The following NAALADL2 variants were observed in gnomAD, a reference collection of about 807,000 sequenced individuals.
NAALADL2 encodes inactive N-acetylated-alpha-linked acidic dipeptidase-like protein 2.
Under a neutral mutation model 87.2 loss-of-function variants are expected in NAALADL2, and 76 were observed. That is an observed-to-expected ratio of 0.87 (90% CI 0.72 to 1.05). The LOEUF is 1.05. NAALADL2 is among the 50% of genes least tolerant of loss of function. The probability of loss-of-function intolerance (pLI) is 0.00; values close to 1 mark genes in which losing one functional copy is unlikely to be tolerated. For synonymous variants in NAALADL2, 354 were observed against 331.0 expected (o/e 1.07, Z -0.75); for missense variants, 1,089 against 945.8 (o/e 1.15, Z -1.99).
At chr3:174,720,856 C>A (rs771682223) in intron 2 of NAALADL2, among the ~76,000 whole-genome samples, 5 of 152,104 alleles carry the variant, frequency 3.3e-5, no homozygotes, top group African/African-American at 9.7e-5. Flanking sequence ...ATTCCAGATG[C>A]AAGTTTATTA....
intron 13 of NAALADL2, among the ~76,000 whole-genome samples, chr3:175,765,457 A>G (rs1441329693): frequency 1.3e-5 from 2 of 152,130 alleles, no homozygotes; most frequent in Non-Finnish European, 2.9e-5. Context: ...CCTCATTTTA[A>G]CAGACAACAT....
At chr3:175,422,347 C>T (rs1715845446) in intron 5 of NAALADL2, among the ~76,000 whole-genome samples, 1 of 151,994 alleles carries the variant, frequency 6.6e-6, no homozygotes, top group Admixed American at 6.6e-5. Context: ...GAGGACCAAA[C>T]CTTAAACTTG....
intron 1 of NAALADL2, among the ~76,000 whole-genome samples, chr3:174,526,453 C>T (rs1462302302): frequency 6.6e-6 from 1 of 152,086 alleles, no homozygotes; most frequent in Admixed American, 6.5e-5. Context: ...TAAAGAATTG[C>T]TTTGACTAGT....
intron 4 of NAALADL2, among the ~76,000 whole-genome samples, chr3:175,292,936 C>A (rs1200896018): frequency 2.7e-5 from 4 of 147,372 alleles, no homozygotes; most frequent in Non-Finnish European, 5.9e-5. Context: ...ACTCGGGAGG[C>A]TGAGGCAGGA....
intron 2 of NAALADL2, among the ~76,000 whole-genome samples, chr3:174,726,442 G>T (rs919835376): frequency 2.0e-5 from 3 of 151,996 alleles, no homozygotes; most frequent in African/African-American, 7.3e-5. Context: ...GCTCACCATG[G>T]ATTCTTTGTA....
At chr3:174,894,525 C>G (rs188796449) in intron 1 of NAALADL2, among the ~76,000 whole-genome samples, 2 of 133,626 alleles carry the variant, frequency 1.5e-5, no homozygotes. Context: ...ACCTGGGAGG[C>G]GGAGGTTGCA....
intron 2 of NAALADL2, among the ~76,000 whole-genome samples, chr3:174,611,321 TA>T (rs767879578): frequency 4.0e-5 from 6 of 151,872 alleles, no homozygotes; most frequent in South Asian, 2.1e-4. Flanking sequence ...ATAATAATAA[TA>T]AAATAAAAAT....
chr3:175,430,810 T>C (rs1717623161), intron 5 of NAALADL2, among the ~76,000 whole-genome samples: 1 of 152,104 alleles, frequency 6.6e-6, no homozygotes, highest in African/African-American at 2.4e-5. Context: ...ATTGAGTCTT[T>C]ATATAATGCT....
At chr3:175,099,748 A>G (rs1246043123) in intron 2 of NAALADL2, among the ~76,000 whole-genome samples, 2 of 152,164 alleles carry the variant, frequency 1.3e-5, no homozygotes, top group Non-Finnish European at 2.9e-5. Context: ...AGTTCTTATC[A>G]AATAGCCTAA....
intron 3 of NAALADL2, among the ~76,000 whole-genome samples, chr3:174,851,606 G>T (rs183121640): frequency 6.6e-6 from 1 of 152,044 alleles, no homozygotes; most frequent in Non-Finnish European, 1.5e-5. Flanking sequence ...AATAAATAAT[G>T]GGATCAAAGC....
At chr3:175,317,538 C>T (rs953781752) in intron 4 of NAALADL2, among the ~76,000 whole-genome samples, 2 of 151,994 alleles carry the variant, frequency 1.3e-5, no homozygotes, top group Admixed American at 6.6e-5. Context: ...AACTGAACTT[C>T]CTTAGATGTT....
chr3:175,132,028 G>T (rs1228829832), intron 2 of NAALADL2, among the ~76,000 whole-genome samples: 1 of 126,282 alleles, frequency 7.9e-6, no homozygotes, highest in East Asian at 2.7e-4. Flanking sequence ...CGGACGGGGC[G>T]GCTGGCCAGG....
At chr3:175,147,311 G>A (rs1241684842) in intron 2 of NAALADL2, among the ~76,000 whole-genome samples, 1 of 151,918 alleles carries the variant, frequency 6.6e-6, no homozygotes, top group East Asian at 1.9e-4. Context: ...CCAATATTTA[G>A]CTCTCACTTA....
At chr3:174,610,187 G>A (rs891483634) in intron 2 of NAALADL2, among the ~76,000 whole-genome samples, 7 of 107,820 alleles carry the variant, frequency 6.5e-5, no homozygotes, top group African/African-American at 1.7e-4. Context: ...AGACTTAAAC[G>A]TTAGACCTAA....
At chr3:174,507,377 CCAT>C (rs1719262595) in intron 1 of NAALADL2, among the ~76,000 whole-genome samples, 1 of 152,126 alleles carries the variant, frequency 6.6e-6, no homozygotes, top group East Asian at 1.9e-4. Flanking sequence ...TACCTTCCTT[CCAT>C]CTCCAGTGAA....
intron 9 of NAALADL2, among the ~76,000 whole-genome samples, chr3:175,528,280 C>T (rs2149437901): frequency 6.6e-6 from 1 of 152,042 alleles, no homozygotes; most frequent in South Asian, 2.1e-4. Flanking sequence ...AGTCCAAGTC[C>T]CAAAACAGAA....
intron 10 of NAALADL2, chr3:175,581,144 T>C (rs1309679993): frequency 7.6e-6 from 3 of 395,598 alleles, no homozygotes; most frequent in African/African-American, 4.1e-5. Flanking sequence ...AAAATCTCTT[T>C]AAAAAAGGCT....
At chr3:175,785,792 C>T (rs1231889504) in intron 13 of NAALADL2, among the ~76,000 whole-genome samples, 1 of 150,536 alleles carries the variant, frequency 6.6e-6, no homozygotes, top group East Asian at 1.9e-4. Context: ...GCAGTTTCTT[C>T]CTAGTCTTGA....
At chr3:174,735,688 T>C (rs557626466) in intron 2 of NAALADL2, among the ~76,000 whole-genome samples, 20 of 152,268 alleles carry the variant, frequency 1.3e-4, no homozygotes, top group Admixed American at 1.1e-3. Flanking sequence ...GCCTCCCAAG[T>C]AGCTGGGACC....
Sources: allele counts gnomAD v4.1 joint callset (sites outside exome capture counted in the v4.1 genomes callset), GRCh38; gene constraint gnomAD v4.1.1; transcripts MANE v1.5; gene names NCBI Gene and HGNC (gene_info 2026-07-23, HGNC 2026-07-21).